Variants in N4BP1 observed in about 807,000 individuals in gnomAD.
The protein encoded by N4BP1 is NEDD4 binding protein 1, also known as NEDD4-binding protein 1.
Under a neutral mutation model 70.9 loss-of-function variants are expected in N4BP1, and 21 were observed. The observed-to-expected ratio is 0.30, with a 90% confidence interval of 0.21 to 0.43. The LOEUF is 0.43. Among genes scored for constraint, N4BP1 ranks in the 20% least tolerant of loss-of-function variants. The pLI is 1.00. For missense variants in N4BP1, 936 were observed against 1,069.4 expected, an observed-to-expected ratio of 0.88 and a Z score of 1.74; for synonymous variants, 387 against 394.6, an observed-to-expected ratio of 0.98 and a Z score of 0.23.
rs551236315 is a variant in N4BP1, at chr16:48,600,848, T to A, written c.198+8927A>T. On this transcript the variant is annotated intron_variant, in intron 1 of 6. Transcript: ENST00000262384. ...AGTGTTAAATCTTCACTGATAGATA[T>A]GTAAATCACGAAAATTCTACTTATA... Among the ~76,000 whole-genome samples the A allele has an allele frequency of 8.5e-5, 13 of 152,382 alleles. No homozygotes were observed. The South Asian group carries it at 2.3e-3, about 27-fold the overall frequency.
intron 1 of N4BP1, among the ~76,000 whole-genome samples, chr16:48,595,384 G>A (rs1439273748): frequency 7.2e-6 from 1 of 139,046 alleles, no homozygotes; most frequent in Non-Finnish European, 1.5e-5. Flanking sequence ...TTGAACCCAG[G>A]GGGCAGAGGT....
intron 1 of N4BP1, among the ~76,000 whole-genome samples, chr16:48,602,360 A>G (rs1378878903): frequency 1.3e-5 from 2 of 152,228 alleles, no homozygotes; most frequent in Non-Finnish European, 2.9e-5. Context: ...CTAATCTTCT[A>G]TGATTATATC....
At chr16:48,588,294 C>CTT (rs34308285) in intron 1 of N4BP1, among the ~76,000 whole-genome samples, 1 of 134,838 alleles carries the variant, frequency 7.4e-6, no homozygotes, top group East Asian at 2.1e-4. Flanking sequence ...ACTATGTTTT[C>CTT]TTTTTTTTTT....
At chr16:48,584,729 T>C (rs1964219151) in intron 1 of N4BP1, among the ~76,000 whole-genome samples, 1 of 151,926 alleles carries the variant, frequency 6.6e-6, no homozygotes, top group African/African-American at 2.4e-5. Flanking sequence ...AATAACACAC[T>C]GCGAGATTAC....
chr16:48,586,544 T>C (rs1038284631), intron 1 of N4BP1, among the ~76,000 whole-genome samples: 2 of 152,244 alleles, frequency 1.3e-5, no homozygotes, highest in Admixed American at 1.3e-4. Context: ...GTATATATAC[T>C]CTTTTAGTAA....
chr16:48,579,611 A>T (rs1258124406), intron 1 of N4BP1, among the ~76,000 whole-genome samples: 1 of 152,130 alleles, frequency 6.6e-6, no homozygotes, highest in East Asian at 1.9e-4. Context: ...GATATTAGCC[A>T]ATCTGTATCT....
chr16:48,556,156 A>T (rs1429745694), intron 2 of N4BP1, among the ~76,000 whole-genome samples: 9 of 152,234 alleles, frequency 5.9e-5, no homozygotes, highest in Non-Finnish European at 1.0e-4. Context: ...TAATAAGATC[A>T]TATCACTTTT....
At chr16:48,559,736 C>T (rs572432222) in intron 2 of N4BP1, 2 of 152,202 alleles carry the variant, frequency 1.3e-5, no homozygotes, top group African/African-American at 4.8e-5. Context: ...AGGGCAATTC[C>T]CTTTTCTGCC....
At chr16:48,597,437 G>A (rs1205557982) in intron 1 of N4BP1, among the ~76,000 whole-genome samples, 1 of 152,200 alleles carries the variant, frequency 6.6e-6, no homozygotes, top group Non-Finnish European at 1.5e-5. Context: ...CGAAAGTCAT[G>A]TAGCAGTAGA....
intron 1 of N4BP1, among the ~76,000 whole-genome samples, chr16:48,583,813 T>C (rs961266269): frequency 6.6e-6 from 1 of 152,140 alleles, no homozygotes; most frequent in African/African-American, 2.4e-5. Context: ...GGCAGTAGAG[T>C]AGTACCCACT....
chr16:48,604,277 A>G (rs138078764), intron 1 of N4BP1, among the ~76,000 whole-genome samples: 7 of 152,336 alleles, frequency 4.6e-5, no homozygotes, highest in Non-Finnish European at 1.0e-4. Context: ...TGGGCTAGGC[A>G]TGGTGGCTCA....
chr16:48,579,481 G>C (rs1964146468), intron 1 of N4BP1, among the ~76,000 whole-genome samples: 1 of 152,082 alleles, frequency 6.6e-6, no homozygotes, highest in African/African-American at 2.4e-5. Context: ...ATTCATTATT[G>C]GTTAGGGTCT....
rs183997007 is a variant in N4BP1 at position 48,541,785 on chromosome 16, A to G, written c.*1119T>C. ...TAGAACAGACAATATTAAGATATCA[A>G]TTCTGAGAAAGACTCACAGGAAAGG... On this transcript the variant is annotated 3_prime_UTR_variant, in exon 7 of 7. Coordinates refer to ENST00000262384, the MANE Select transcript of N4BP1 (RefSeq NM_153029.4). The G allele has an allele frequency of 6.6e-6, 1 of 152,664 alleles. No individual in the cohort carries two copies. Among genetic ancestry groups the G allele is most frequent in the Non-Finnish European group, 1.5e-5 (1 of 68,032 alleles). The allele number at this position is 152,664 out of a possible 1,614,324, so 9.5% of individuals were successfully genotyped here.
chr16:48,578,064 C>T (rs1488349197), intron 1 of N4BP1: 2 of 156,394 alleles, frequency 1.3e-5, no homozygotes, highest in African/African-American at 2.4e-5. Context: ...TGTGCTTCTG[C>T]ATTGGCATAA....
intron 1 of N4BP1, among the ~76,000 whole-genome samples, chr16:48,573,963 G>A (rs1434658859): frequency 6.6e-6 from 1 of 152,100 alleles, no homozygotes; most frequent in Non-Finnish European, 1.5e-5. Flanking sequence ...GAGGAGGAGG[G>A]GGATTGGTCT....
chr16:48,542,790 C>T lies in N4BP1; in HGVS notation c.*114G>A, dbSNP rs780825866. The T allele has an allele frequency of 1.1e-5, 11 of 994,404 alleles. No homozygotes were observed. Among genetic ancestry groups the T allele is most frequent in the East Asian group, 1.1e-4 (4 of 37,972 alleles). The allele number at this position is 994,404 out of a possible 1,614,324, so 61.6% of individuals were successfully genotyped here. A position where few individuals can be genotyped will look rare whatever the true frequency, so the allele number is the denominator to read the frequency against. On this transcript the variant is annotated 3_prime_UTR_variant, in exon 7 of 7. Coordinates refer to ENST00000262384, the MANE Select transcript of N4BP1 (RefSeq NM_153029.4). ...AAAACATTTTTTTTCTGTACAACTG[C>T]GTTTACACTGGGAAATAAGTTTCTT...
chr16:48,553,558 C>T lies in N4BP1; in HGVS notation c.2001G>A (p.Arg667=). 6.3e-7 allele frequency: 1 copy of T among 1,579,832 alleles called. No individual in the cohort carries two copies. Among genetic ancestry groups the T allele is most frequent in the South Asian group, 1.2e-5 (1 of 83,024 alleles). Residue 667 remains arginine (R), a synonymous_variant, in exon 3 of 7, where the codon AGG becomes AGA. Transcript: ENST00000262384. ...ITVFVPQWRT[R]RDPNVTEQHF... The stretch of plus-strand genomic sequence containing the variant: ...CCTCACCTGTGACATTAGGATCACG[C>T]CTTGTTCTCCACTGAGGGACAAATA...
intron 2 of N4BP1, among the ~76,000 whole-genome samples, chr16:48,555,027 G>A (rs1054176302): frequency 2.1e-4 from 32 of 152,126 alleles, no homozygotes; most frequent in Admixed American, 2.0e-3. Flanking sequence ...CACCCCTCCC[G>A]GTCTCTGAGC....
At chr16:48,607,395 C>T (rs750160875) in intron 1 of N4BP1, among the ~76,000 whole-genome samples, 2 of 152,156 alleles carry the variant, frequency 1.3e-5, no homozygotes, top group African/African-American at 2.4e-5. Context: ...AGGTGCTAAA[C>T]CAGAACATTG....
Sources: gnomAD v4.1 joint callset for allele counts (sites outside exome capture counted in the v4.1 genomes callset) on GRCh38, gnomAD v4.1.1 for gene constraint, MANE v1.5 for transcripts, NCBI Gene and HGNC (gene_info 2026-07-23, HGNC 2026-07-21) for gene names.